COL21A1: variants seen among roughly 807,000 people sequenced by gnomAD.
The protein encoded by COL21A1 is collagen type XXI alpha 1 chain, also known as collagen alpha-1(XXI) chain.
A neutral mutation model predicts 137.9 loss-of-function variants in COL21A1; 149 were observed. The observed-to-expected ratio is 1.08, with a 90% confidence interval of 0.95 to 1.24. The LOEUF is 1.24. COL21A1 is among the 50% of genes most tolerant of loss of function. COL21A1 has a pLI of 0.00. For synonymous variants in COL21A1, 456 were observed against 391.5 expected, an observed-to-expected ratio of 1.16 and a Z score of -1.95; for missense variants, 1,167 against 1,158.4, an observed-to-expected ratio of 1.01 and a Z score of -0.11.
intron 17 of COL21A1, among the ~76,000 whole-genome samples, chr6:56,080,344 C>T (rs1245944525): frequency 6.6e-6 from 1 of 151,588 alleles, no homozygotes. Context: ...AGAAAGTCAA[C>T]CAGAAAATCC....
chr6:56,330,399 A>G (rs1765190661), intron 1 of COL21A1, among the ~76,000 whole-genome samples: 2 of 152,236 alleles, frequency 1.3e-5, no homozygotes, highest in African/African-American at 4.8e-5. Context: ...ATCAATAAAA[A>G]TATTCAGATA....
chr6:56,390,139 A>G (rs1014649975), intron 1 of COL21A1, among the ~76,000 whole-genome samples: 1 of 151,990 alleles, frequency 6.6e-6, no homozygotes, highest in Non-Finnish European at 1.5e-5. Context: ...GAGATAGACA[A>G]TATAAAAAGA....
chr6:56,260,585 A>AAGAAGAAGAAGAAGAAGAAGAAG (rs1430065674), intron 1 of COL21A1, among the ~76,000 whole-genome samples: 2 of 91,774 alleles, frequency 2.2e-5, no homozygotes, highest in Non-Finnish European at 4.8e-5. Flanking sequence ...AAAAAAAAAG[A>AAGAAGAAGAAGAAGAAGAAGAAG]AAGAAGAAGA....
intron 10 of COL21A1, among the ~76,000 whole-genome samples, chr6:56,153,047 A>G (rs1189338144): frequency 6.6e-6 from 1 of 152,204 alleles, no homozygotes; most frequent in Non-Finnish European, 1.5e-5. Flanking sequence ...CAGTGAGGAA[A>G]TGCAATAAAG....
chr6:56,132,419 G>C (rs542169951), intron 12 of COL21A1, among the ~76,000 whole-genome samples: 11 of 152,182 alleles, frequency 7.2e-5, no homozygotes, highest in African/African-American at 2.6e-4. Flanking sequence ...TGATTATAAA[G>C]AATAATGAGG....
chr6:56,188,892 T>C (rs1778478380), intron 1 of COL21A1, among the ~76,000 whole-genome samples: 1 of 152,220 alleles, frequency 6.6e-6, no homozygotes, highest in African/African-American at 2.4e-5. Flanking sequence ...GCAGACAGTT[T>C]CCTGACTGTC....
intron 9 of COL21A1, 116 bp from the exon 10 acceptor site, chr6:56,157,065 A>C: frequency 1.7e-6 from 1 of 584,020 alleles, no homozygotes; most frequent in Non-Finnish European, 2.8e-6. Flanking sequence ...TATGTTAAAA[A>C]CAAAAGTAAA....
intron 1 of COL21A1, among the ~76,000 whole-genome samples, chr6:56,225,044 A>C (rs1399177207): frequency 2.0e-5 from 3 of 152,172 alleles, no homozygotes; most frequent in African/African-American, 7.2e-5. Flanking sequence ...CCAGGAAAAA[A>C]AAGTCAGAAA....
At chr6:56,227,206 T>A (rs561107506) in intron 1 of COL21A1, among the ~76,000 whole-genome samples, 3 of 152,160 alleles carry the variant, frequency 2.0e-5, no homozygotes, top group Non-Finnish European at 4.4e-5. Flanking sequence ...GAAGTTCATA[T>A]GATCTATGCT....
At chr6:56,238,677 C>A (rs1028580525) in intron 1 of COL21A1, among the ~76,000 whole-genome samples, 5 of 152,050 alleles carry the variant, frequency 3.3e-5, no homozygotes, top group Admixed American at 6.6e-5. Flanking sequence ...TCAGCAGATA[C>A]CTTTCTCCTG....
chr6:56,274,737 GA>G (rs1763603431), intron 1 of COL21A1, among the ~76,000 whole-genome samples: 1 of 152,016 alleles, frequency 6.6e-6, no homozygotes, highest in Non-Finnish European at 1.5e-5. Context: ...CAAAAAAATG[GA>G]AAAATATTCC....
At chr6:56,261,430 G>A (rs1763272534) in intron 1 of COL21A1, among the ~76,000 whole-genome samples, 1 of 152,150 alleles carries the variant, frequency 6.6e-6, no homozygotes, top group Non-Finnish European at 1.5e-5. Flanking sequence ...AGGGTCTTTG[G>A]GGGGATATTA....
At chr6:56,156,003 C>T (rs554988111) in intron 10 of COL21A1, among the ~76,000 whole-genome samples, 3 of 152,356 alleles carry the variant, frequency 2.0e-5, no homozygotes, top group South Asian at 4.1e-4. Flanking sequence ...GTTCCCTTTA[C>T]ATCTCTAAGT....
intron 12 of COL21A1, among the ~76,000 whole-genome samples, chr6:56,129,697 TGTGA>T (rs1193213081): frequency 0.023 from 1,495 of 64,958 alleles, 31 homozygotes; most frequent in African/African-American, 0.071. Flanking sequence ...TGTGTGTGTG[TGTGA>T]GAGAGAGAGA....
rs1181409698 is a variant in COL21A1, at chr6:56,101,533, T to C, written c.1759-8A>G. 2 of 1,578,256 alleles carry C rather than the reference T, an allele frequency of 1.3e-6. No individual in the cohort carries two copies. Among genetic ancestry groups the C allele is most frequent in the Non-Finnish European group, 1.7e-6 (2 of 1,160,116 alleles). ...AGGGGATCCTGCTTCTCCCTTTTAA[T>C]GATTTGACAAAAAGAAATAGAGAAT... is the stretch of plus-strand genomic sequence containing the variant. On this transcript the variant is annotated splice_region_variant and splice_polypyrimidine_tract_variant and intron_variant, in intron 16 of 29. Transcript: ENST00000244728.
intron 1 of COL21A1, among the ~76,000 whole-genome samples, chr6:56,326,797 C>T (rs1434729432): frequency 6.6e-6 from 1 of 151,980 alleles, no homozygotes; most frequent in Admixed American, 6.6e-5. Flanking sequence ...GTTAAAAACA[C>T]ATATTCATTT....
At chr6:56,280,543 G>A (rs897395241) in intron 1 of COL21A1, among the ~76,000 whole-genome samples, 6 of 152,096 alleles carry the variant, frequency 3.9e-5, no homozygotes, top group Non-Finnish European at 5.9e-5. Context: ...TGAGTAAAGC[G>A]CTACCAGAAA....
intron 1 of COL21A1, among the ~76,000 whole-genome samples, chr6:56,345,142 T>G (rs1765567049): frequency 6.6e-6 from 1 of 152,144 alleles, no homozygotes; most frequent in Non-Finnish European, 1.5e-5. Flanking sequence ...AGAATCTGGT[T>G]TATCCTGATG....
chr6:56,155,740 T>G (rs115757533), intron 10 of COL21A1, among the ~76,000 whole-genome samples: 4,053 of 152,228 alleles, frequency 0.027, 107 homozygotes, highest in Middle Eastern at 0.075. Flanking sequence ...GGATTATAGG[T>G]GTGTGCCACC....
Sources: gnomAD v4.1 joint callset for allele counts (sites outside exome capture counted in the v4.1 genomes callset) on GRCh38, gnomAD v4.1.1 for gene constraint, MANE v1.5 for transcripts, NCBI Gene and HGNC (gene_info 2026-07-23, HGNC 2026-07-21) for gene names.